Variants in SPAG16 observed in about 807,000 individuals in gnomAD.
The protein encoded by SPAG16 is sperm associated antigen 16.
Under a neutral mutation model 80.4 loss-of-function variants are expected in SPAG16, and 86 were observed. The ratio of observed to expected loss-of-function variants is 1.07; its 90% CI spans 0.90 to 1.28. The LOEUF (loss-of-function observed/expected upper bound fraction) is 1.28. Ranked by LOEUF, SPAG16 falls within the 50% of genes most tolerant of loss-of-function variation. The pLI, the probability that SPAG16 is intolerant of heterozygous loss-of-function variation, is 0.00. For missense variants in SPAG16, 870 were observed against 765.3 expected (o/e 1.14, Z -1.61); for synonymous variants, 294 against 265.9 (o/e 1.11, Z -1.03).
chr2:213,810,735 C>T (rs2556333), intron 10 of SPAG16, among the ~76,000 whole-genome samples: 7,495 of 152,160 alleles, frequency 0.049, 609 homozygotes, highest in African/African-American at 0.17. Context: ...TGCGGAAGTA[C>T]TAGGGTGGGG....
chr2:213,547,878 G>A (rs974620802), intron 10 of SPAG16, among the ~76,000 whole-genome samples: 24 of 152,016 alleles, frequency 1.6e-4, no homozygotes, highest in African/African-American at 4.8e-4. Flanking sequence ...TATCACTTAC[G>A]TCTAAAGTTC....
intron 9 of SPAG16, among the ~76,000 whole-genome samples, chr2:213,444,241 T>A (rs1438474097): frequency 6.6e-6 from 1 of 152,214 alleles, no homozygotes; most frequent in Non-Finnish European, 1.5e-5. Context: ...CAAAGAGAAG[T>A]TGAGAGTTAG....
intron 15 of SPAG16, among the ~76,000 whole-genome samples, chr2:214,385,654 GCCCACATGGCGAAAT>G (rs1294154457): frequency 6.6e-6 from 1 of 152,154 alleles, no homozygotes; most frequent in Non-Finnish European, 1.5e-5. Flanking sequence ...GACCAGCCTG[GCCCACATGGCGAAAT>G]CCCGTCTCTA....
At chr2:214,017,191 A>C (rs565538980) in intron 13 of SPAG16, among the ~76,000 whole-genome samples, 16 of 152,160 alleles carry the variant, frequency 1.1e-4, no homozygotes, top group Non-Finnish European at 2.4e-4. Flanking sequence ...TGACTTAAAA[A>C]TAAAATCAGG....
intron 15 of SPAG16, among the ~76,000 whole-genome samples, chr2:214,323,346 A>T (rs1050223138): frequency 6.6e-6 from 1 of 151,196 alleles, no homozygotes; most frequent in Non-Finnish European, 1.5e-5. Flanking sequence ...TTATTTATTT[A>T]TTTATTTATT....
At chr2:214,030,907 G>C (rs1179359221) in intron 13 of SPAG16, among the ~76,000 whole-genome samples, 1 of 152,242 alleles carries the variant, frequency 6.6e-6, no homozygotes, top group Non-Finnish European at 1.5e-5. Context: ...GGGACAGGTA[G>C]AAGTCACTGG....
rs140936296 is a variant in SPAG16, at chr2:214,100,674, A to G, written c.1528-7522A>G. Among the ~76,000 whole-genome samples, 11 of 152,246 alleles carry G rather than the reference A, an allele frequency of 7.2e-5. No homozygotes were observed. In the East Asian group the frequency reaches 2.1e-3, roughly 29 times the overall value. ...CCTTGTTGCTATGTTAGTTCACTTA[A>G]GATAATGACCTCCAGCTCTATCCAT... On this transcript the variant is annotated intron_variant, in intron 13 of 15. Transcript: ENST00000331683.
At chr2:213,396,317 GTGAA>G (rs1414546218) in intron 9 of SPAG16, among the ~76,000 whole-genome samples, 14 of 152,160 alleles carry the variant, frequency 9.2e-5, no homozygotes, top group African/African-American at 3.4e-4. Flanking sequence ...CTTTCAATGC[GTGAA>G]TGAACATAGT....
chr2:214,338,037 T>C (rs1697417821), intron 15 of SPAG16, among the ~76,000 whole-genome samples: 1 of 152,194 alleles, frequency 6.6e-6, no homozygotes, highest in African/African-American at 2.4e-5. Context: ...TTTTAGAAGT[T>C]GAAGATATTA....
intron 13 of SPAG16, among the ~76,000 whole-genome samples, chr2:214,081,837 A>ATTT (rs35141566): frequency 2.7e-5 from 4 of 148,974 alleles, no homozygotes; most frequent in Non-Finnish European, 5.9e-5. Flanking sequence ...TACTCATTGT[A>ATTT]TTTTTTTTTT....
intron 10 of SPAG16, among the ~76,000 whole-genome samples, chr2:213,508,336 G>A (rs1357963327): frequency 1.3e-5 from 2 of 152,190 alleles, no homozygotes; most frequent in Non-Finnish European, 2.9e-5. Flanking sequence ...ACTTTGGGAG[G>A]CCGAGGCGGG....
intron 9 of SPAG16, among the ~76,000 whole-genome samples, chr2:213,416,659 G>A (rs1242236826): frequency 6.6e-5 from 10 of 152,156 alleles, no homozygotes; most frequent in Non-Finnish European, 1.0e-4. Flanking sequence ...TCTGGCAGTC[G>A]TAGGTCTTTC....
At chr2:213,634,993 C>T (rs1207416836) in intron 10 of SPAG16, among the ~76,000 whole-genome samples, 1 of 151,146 alleles carries the variant, frequency 6.6e-6, no homozygotes, top group African/African-American at 2.4e-5. Flanking sequence ...TCTTTATCCT[C>T]TTGTTGATTT....
intron 15 of SPAG16, among the ~76,000 whole-genome samples, chr2:214,347,565 A>C (rs1051443210): frequency 1.3e-5 from 2 of 152,144 alleles, no homozygotes; most frequent in African/African-American, 4.8e-5. Context: ...ACCTCAGTTA[A>C]ACAAGAGTCT....
At chr2:213,837,188 A>G (rs1404023673) in intron 10 of SPAG16, among the ~76,000 whole-genome samples, 1 of 152,212 alleles carries the variant, frequency 6.6e-6, no homozygotes, top group African/African-American at 2.4e-5. Context: ...ATGTATCCAT[A>G]TAATACTCCT....
At chr2:214,026,356 T>G (rs1318513691) in intron 13 of SPAG16, among the ~76,000 whole-genome samples, 1 of 151,618 alleles carries the variant, frequency 6.6e-6, no homozygotes, top group East Asian at 1.9e-4. Flanking sequence ...AATCAATAGC[T>G]TCTTCTTTGC....
At chr2:214,059,505 C>G (rs761536485) in intron 13 of SPAG16, among the ~76,000 whole-genome samples, 7 of 151,668 alleles carry the variant, frequency 4.6e-5, no homozygotes, top group Non-Finnish European at 8.8e-5. Context: ...GATCTTATTA[C>G]AAATACAAGT....
chr2:214,158,092 A>G (rs1202665347), intron 15 of SPAG16, among the ~76,000 whole-genome samples: 1 of 152,082 alleles, frequency 6.6e-6, no homozygotes, highest in African/African-American at 2.4e-5. Flanking sequence ...TGAGTAGGAC[A>G]CTTAACCTCT....
chr2:213,642,066 C>T (rs1213207826), intron 10 of SPAG16, among the ~76,000 whole-genome samples: 1 of 152,150 alleles, frequency 6.6e-6, no homozygotes, highest in Non-Finnish European at 1.5e-5. Context: ...TTGAGGATTA[C>T]AATTCAAGAT....
Sources: gnomAD v4.1 joint callset for allele counts (sites outside exome capture counted in the v4.1 genomes callset) on GRCh38, gnomAD v4.1.1 for gene constraint, MANE v1.5 for transcripts, NCBI Gene and HGNC (gene_info 2026-07-23, HGNC 2026-07-21) for gene names.